CTNNA2: variants seen among roughly 807,000 people sequenced by gnomAD.
CTNNA2 encodes the protein catenin alpha-2.
CTNNA2 carries 42 observed loss-of-function variants against 101.0 expected under a neutral mutation model. The ratio of observed to expected loss-of-function variants is 0.42; its 90% confidence interval spans 0.32 to 0.54. CTNNA2 has a LOEUF of 0.54. Ranked by LOEUF, CTNNA2 falls within the 20% of genes least tolerant of loss-of-function variation. CTNNA2 has a pLI of 0.14. For missense variants in CTNNA2, 871 were observed against 1,223.1 expected, an observed-to-expected ratio of 0.71 and a Z score of 4.29; for synonymous variants, 450 against 456.4, an observed-to-expected ratio of 0.99 and a Z score of 0.18.
At chr2:80,071,416 G>T (rs1454268794) in intron 7 of CTNNA2, among the ~76,000 whole-genome samples, 1 of 152,080 alleles carries the variant, frequency 6.6e-6, no homozygotes, top group Non-Finnish European at 1.5e-5. Context: ...ATGTAGATTT[G>T]GTTACCCATT....
At chr2:80,246,009 C>T (rs946448375) in intron 7 of CTNNA2, among the ~76,000 whole-genome samples, 7 of 151,680 alleles carry the variant, frequency 4.6e-5, no homozygotes, top group South Asian at 2.1e-4. Context: ...TTAGCCAGGA[C>T]GGTCTCGATC....
intron 2 of CTNNA2, among the ~76,000 whole-genome samples, chr2:79,239,104 C>T (rs984127429): frequency 6.6e-6 from 1 of 152,084 alleles, no homozygotes; most frequent in Non-Finnish European, 1.5e-5. Context: ...TATTTTAATG[C>T]TTTCCTTCCT....
intron 2 of CTNNA2, among the ~76,000 whole-genome samples, chr2:79,248,739 A>G (rs1463618177): frequency 6.6e-6 from 1 of 152,214 alleles, no homozygotes; most frequent in East Asian, 1.9e-4. Flanking sequence ...AACCCTGGCA[A>G]TGATACATAG....
At chr2:79,713,977 A>T (rs1685908660) in intron 2 of CTNNA2, among the ~76,000 whole-genome samples, 2 of 152,106 alleles carry the variant, frequency 1.3e-5, no homozygotes, top group South Asian at 2.1e-4. Flanking sequence ...GAACACAAAA[A>T]GCTCTCCCTT....
intron 1 of CTNNA2, among the ~76,000 whole-genome samples, chr2:79,587,358 C>T (rs932132828): frequency 6.6e-6 from 1 of 152,128 alleles, no homozygotes; most frequent in Non-Finnish European, 1.5e-5. Context: ...AGCTGAGGCA[C>T]CGAGAAGTTA....
intron 8 of CTNNA2, among the ~76,000 whole-genome samples, chr2:80,403,889 C>G (rs1332167580): frequency 6.6e-6 from 1 of 152,178 alleles, no homozygotes; most frequent in Non-Finnish European, 1.5e-5. Flanking sequence ...GTCTTTAGTT[C>G]TGTTTATGTG....
At chr2:80,043,568 G>A (rs748437412) in intron 7 of CTNNA2, among the ~76,000 whole-genome samples, 8 of 152,054 alleles carry the variant, frequency 5.3e-5, no homozygotes, top group Admixed American at 2.0e-4. Flanking sequence ...CAGTCCTTGC[G>A]GGTTGAATGC....
At chr2:80,612,412 G>T (rs1211061900) in intron 17 of CTNNA2, among the ~76,000 whole-genome samples, 3 of 151,528 alleles carry the variant, frequency 2.0e-5, no homozygotes, top group Non-Finnish European at 4.4e-5. Context: ...ATTCAAAGAT[G>T]CATATGTGCA....
chr2:79,958,406 G>A (rs1689392545), intron 7 of CTNNA2, among the ~76,000 whole-genome samples: 1 of 152,156 alleles, frequency 6.6e-6, no homozygotes, highest in African/African-American at 2.4e-5. Context: ...GATTGTTCGA[G>A]TGGCCCCTAG....
At chr2:79,871,267 C>T (rs1682559071) in intron 5 of CTNNA2, among the ~76,000 whole-genome samples, 1 of 152,202 alleles carries the variant, frequency 6.6e-6, no homozygotes, top group Non-Finnish European at 1.5e-5. Context: ...AACCAAGAGC[C>T]AGTCCTCAGT....
intron 2 of CTNNA2, among the ~76,000 whole-genome samples, chr2:79,656,898 G>C (rs1681647453): frequency 6.6e-6 from 1 of 151,662 alleles, no homozygotes; most frequent in African/African-American, 2.4e-5. Context: ...TAGAACCAAA[G>C]GGAAATTACA....
At chr2:79,765,276 C>CA (rs1298871088) in intron 3 of CTNNA2, among the ~76,000 whole-genome samples, 1 of 151,958 alleles carries the variant, frequency 6.6e-6, no homozygotes, top group East Asian at 1.9e-4. Context: ...GACAGAAGAA[C>CA]AAAAAAGAGT....
At chr2:79,556,389 A>G (rs753568350) in intron 1 of CTNNA2, among the ~76,000 whole-genome samples, 5 of 152,030 alleles carry the variant, frequency 3.3e-5, no homozygotes, top group Non-Finnish European at 4.4e-5. Flanking sequence ...AGAATGCAGC[A>G]TTATGTGTAC....
chr2:80,361,846 T>C (rs1312135195), intron 7 of CTNNA2, among the ~76,000 whole-genome samples: 1 of 152,166 alleles, frequency 6.6e-6, no homozygotes, highest in Non-Finnish European at 1.5e-5. Flanking sequence ...TAAACAAGAA[T>C]ATGATGTGCA....
chr2:79,201,937 A>T (rs139558233), intron 2 of CTNNA2, among the ~76,000 whole-genome samples: 12 of 152,308 alleles, frequency 7.9e-5, no homozygotes, highest in Non-Finnish European at 1.3e-4. Flanking sequence ...TTAGGGAGAC[A>T]TGAGACATCA....
At chr2:80,410,421 A>G (rs1427159242) in intron 8 of CTNNA2, among the ~76,000 whole-genome samples, 1 of 152,216 alleles carries the variant, frequency 6.6e-6, no homozygotes, top group Non-Finnish European at 1.5e-5. Flanking sequence ...GGTAGTGCTG[A>G]GCTAATACCT....
chr2:80,244,045 C>T (rs1213897446), intron 7 of CTNNA2, among the ~76,000 whole-genome samples: 3 of 151,894 alleles, frequency 2.0e-5, no homozygotes, highest in East Asian at 3.9e-4. Context: ...TTTGGCTGGA[C>T]GAAGAAGAAA....
At chr2:79,323,364 A>G (rs1232199150) in intron 3 of CTNNA2, among the ~76,000 whole-genome samples, 2 of 152,206 alleles carry the variant, frequency 1.3e-5, no homozygotes, top group Admixed American at 1.3e-4. Context: ...TACACTATAC[A>G]TGAGGAAATC....
chr2:79,328,551 A>G (rs1276139941), intron 3 of CTNNA2, among the ~76,000 whole-genome samples: 1 of 152,164 alleles, frequency 6.6e-6, no homozygotes, highest in African/African-American at 2.4e-5. Flanking sequence ...CCTAGGAGGT[A>G]TTAAGGGCTG....
Sources: allele counts gnomAD v4.1 joint callset (sites outside exome capture counted in the v4.1 genomes callset), GRCh38; gene constraint gnomAD v4.1.1; transcripts MANE v1.5; gene names NCBI Gene and HGNC (gene_info 2026-07-23, HGNC 2026-07-21).